The following MTSS1 variants were observed in gnomAD, a reference collection of about 807,000 sequenced individuals.
The protein encoded by MTSS1 is protein MTSS 1.
MTSS1 carries 18 observed loss-of-function variants against 79.0 expected under a neutral mutation model. The ratio of observed to expected loss-of-function variants is 0.23; its 90% CI spans 0.16 to 0.34. MTSS1 has a LOEUF of 0.34. Ranked by LOEUF, MTSS1 falls within the 10% of genes least tolerant of loss-of-function variation. The probability of loss-of-function intolerance (pLI) is 1.00; values close to 1 mark genes in which losing one functional copy is unlikely to be tolerated. For synonymous variants in MTSS1, 341 were observed against 368.6 expected, an observed-to-expected ratio of 0.93 and a Z score of 0.86; for missense variants, 815 against 986.2, an observed-to-expected ratio of 0.83 and a Z score of 2.33.
chr8:124,556,350 C>G lies in MTSS1; in HGVS notation c.1286G>C (p.Arg429Pro). 1 of 1,614,142 alleles carries G rather than the reference C, an allele frequency of 6.2e-7. No individual in the cohort carries two copies. The highest frequency in any genetic ancestry group is 8.5e-7 in the Non-Finnish European group (1 of 1,180,000). The change falls in exon 12 of 14, where the codon CGC (arginine) becomes CCC (proline). Residue 429 changes from arginine to proline, a missense_variant. Physicochemically the swap from Arg to Pro is moderately radical, Grantham distance 103. Around this residue, in one of 2 missense-constraint regions of MTSS1, gnomAD observed 590 missense variants for 620.8 expected, o/e 0.95. Coordinates refer to ENST00000518547, the MANE Select transcript of MTSS1 (RefSeq NM_014751.6). ...GGGGTCCGGTTCTCGCTTCTCTTTGCGGCGCTGCAGGGTGTTCACCAGAGG... is the reference window on the plus strand; with the variant it reads ...GGGGTCCGGTTCTCGCTTCTCTTTGGGGCGCTGCAGGGTGTTCACCAGAGG... ...DQPLVNTLQR[R>P]KEKREPDPNG...
At chr8:124,578,744 G>A (rs763527829) in intron 6 of MTSS1, among the ~76,000 whole-genome samples, 2 of 152,092 alleles carry the variant, frequency 1.3e-5, no homozygotes, top group Admixed American at 6.5e-5. Flanking sequence ...GCAGTGAGCC[G>A]AGATCGTGTC....
chr8:124,675,106 C>T (rs372373830), intron 3 of MTSS1, among the ~76,000 whole-genome samples: 2 of 152,250 alleles, frequency 1.3e-5, no homozygotes, highest in African/African-American at 2.4e-5. Flanking sequence ...AGCTAGCCTC[C>T]GCTTCACAGC....
At chr8:124,571,726 G>A (rs1827821642) in intron 6 of MTSS1, among the ~76,000 whole-genome samples, 1 of 152,222 alleles carries the variant, frequency 6.6e-6, no homozygotes, top group Non-Finnish European at 1.5e-5. Context: ...AGCACTTTGG[G>A]AGGCCGCGGC....
intron 3 of MTSS1, among the ~76,000 whole-genome samples, chr8:124,687,110 G>A (rs922474381): frequency 5.9e-5 from 9 of 152,214 alleles, no homozygotes; most frequent in Non-Finnish European, 1.2e-4. Flanking sequence ...ACACTCTCCC[G>A]GCACTCGCTT....
rs371676124 is a variant in MTSS1, at chr8:124,591,245, C to T, written c.209-10G>A. On this transcript the variant is annotated splice_polypyrimidine_tract_variant and intron_variant, in intron 3 of 13. Coordinates refer to ENST00000518547, the MANE Select transcript of MTSS1 (RefSeq NM_014751.6). ...ATCTCCCTGGTCCCACCTGAAAAAG[C>T]AACAGAGGCAAAGGTGAGGGATAGA... 2 of 1,612,422 alleles carry T rather than the reference C, an allele frequency of 1.2e-6. No homozygotes were observed. Among genetic ancestry groups the T allele is most frequent in the Non-Finnish European group, 1.7e-6 (2 of 1,178,570 alleles).
At chr8:124,669,989 C>T (rs767361895) in intron 3 of MTSS1, among the ~76,000 whole-genome samples, 17 of 152,132 alleles carry the variant, frequency 1.1e-4, no homozygotes, top group Non-Finnish European at 2.1e-4. Context: ...ATTTACTGAG[C>T]GCCAGGTACT....
At chr8:124,614,912 C>A (rs530191238) in intron 3 of MTSS1, among the ~76,000 whole-genome samples, 1 of 152,158 alleles carries the variant, frequency 6.6e-6, no homozygotes, top group East Asian at 1.9e-4. Flanking sequence ...TAAACACAGG[C>A]GCAGTGGTAC....
intron 10 of MTSS1, among the ~76,000 whole-genome samples, chr8:124,562,131 G>A (rs72714718): frequency 0.081 from 12,375 of 152,228 alleles, 626 homozygotes; most frequent in South Asian, 0.24. Context: ...CATTGATGAT[G>A]CACATGAAGA....
intron 3 of MTSS1, among the ~76,000 whole-genome samples, chr8:124,612,576 G>A (rs1412401833): frequency 7.2e-5 from 2 of 27,828 alleles, no homozygotes; most frequent in African/African-American, 2.1e-4. Context: ...AGTTTAAAAT[G>A]TGTGTGTGTG....
At chr8:124,660,348 A>T (rs1821770314) in intron 3 of MTSS1, among the ~76,000 whole-genome samples, 1 of 151,972 alleles carries the variant, frequency 6.6e-6, no homozygotes, top group Admixed American at 6.6e-5. Context: ...AAAGTAAACA[A>T]GGGAGGGTGG....
At chr8:124,626,121 G>A (rs1479661747) in intron 3 of MTSS1, among the ~76,000 whole-genome samples, 1 of 152,184 alleles carries the variant, frequency 6.6e-6, no homozygotes, top group African/African-American at 2.4e-5. Context: ...GTCATAATGA[G>A]GATAAATGAA....
intron 3 of MTSS1, among the ~76,000 whole-genome samples, chr8:124,657,863 T>A (rs1231597038): frequency 6.6e-6 from 1 of 152,224 alleles, no homozygotes; most frequent in Non-Finnish European, 1.5e-5. Context: ...ACTAAGTGTT[T>A]GTGTCCTCCC....
rs1404488991 is a variant in MTSS1, at chr8:124,553,861, C to T, written c.1568-169G>A. ...AGAAAGCCTCACCAACTAAGAACTC[C>T]GTGGCAGGGATCTTTGCTTTGTTCA... On this transcript the variant is annotated intron_variant, in intron 13 of 13. Coordinates refer to ENST00000518547, the MANE Select transcript of MTSS1 (RefSeq NM_014751.6). This position sits in a 1 kb window ranked among gnomAD's most constrained non-coding sequence, Gnocchi z 6.0. Among the ~76,000 whole-genome samples, 2 of 152,122 alleles carry T rather than the reference C, an allele frequency of 1.3e-5. No homozygotes were observed. The highest frequency in any genetic ancestry group is 4.8e-5 in the African/African-American group (2 of 41,414).
chr8:124,583,030 G>A (rs1237386728), intron 6 of MTSS1, among the ~76,000 whole-genome samples: 2 of 152,194 alleles, frequency 1.3e-5, no homozygotes, highest in Admixed American at 6.5e-5. Context: ...ATAAAGGACA[G>A]AAATAAAAAT....
chr8:124,619,460 T>G (rs1034311930), intron 3 of MTSS1: 1 of 152,434 alleles, frequency 6.6e-6, no homozygotes, highest in African/African-American at 2.4e-5. Flanking sequence ...TCTTTACTTT[T>G]TGTCTCCTCT....
At chr8:124,687,403 T>A (rs1480885230) in intron 3 of MTSS1, among the ~76,000 whole-genome samples, 1 of 152,120 alleles carries the variant, frequency 6.6e-6, no homozygotes, top group Non-Finnish European at 1.5e-5. Context: ...AATCGTATTA[T>A]CCAAATGAAG....
chr8:124,625,652 T>A (rs577538458), intron 3 of MTSS1, among the ~76,000 whole-genome samples: 191 of 152,266 alleles, frequency 1.3e-3, no homozygotes, highest in African/African-American at 4.5e-3. Flanking sequence ...GTTAAGGCAC[T>A]CCCCCTGACC....
At chr8:124,688,306 G>T (rs1357232854) in intron 3 of MTSS1, among the ~76,000 whole-genome samples, 1 of 150,338 alleles carries the variant, frequency 6.7e-6, no homozygotes, top group African/African-American at 2.5e-5. Flanking sequence ...TGTTGTGAAT[G>T]TATGTGTATG....
At chr8:124,686,324 T>C (rs1418728787) in intron 3 of MTSS1, among the ~76,000 whole-genome samples, 2 of 151,898 alleles carry the variant, frequency 1.3e-5, no homozygotes, top group Non-Finnish European at 2.9e-5. Flanking sequence ...TGACTTAATC[T>C]TCTGAAAACA....
Sources: allele counts gnomAD v4.1 joint callset (sites outside exome capture counted in the v4.1 genomes callset), GRCh38; gene constraint gnomAD v4.1.1; regional missense constraint gnomAD v4.1.1; non-coding constraint Gnocchi (gnomAD v3.1); transcripts MANE v1.5; gene names NCBI Gene and HGNC (gene_info 2026-07-23, HGNC 2026-07-21).